Variants in PTPRR observed in about 807,000 individuals in gnomAD.
PTPRR encodes receptor-type tyrosine-protein phosphatase R.
A neutral mutation model predicts 77.2 loss-of-function variants in PTPRR; 38 were observed. The ratio of observed to expected loss-of-function variants is 0.49; its 90% CI spans 0.38 to 0.65. The LOEUF (loss-of-function observed/expected upper bound fraction) is 0.65, where lower values mean the gene tolerates loss of function less well. Among genes scored for constraint, PTPRR ranks in the 30% least tolerant of loss-of-function variants. The pLI is 0.00. For synonymous variants in PTPRR, 299 were observed against 283.1 expected, an observed-to-expected ratio of 1.06 and a Z score of -0.57; for missense variants, 744 against 799.2, an observed-to-expected ratio of 0.93 and a Z score of 0.83.
rs1326802404 is a variant in PTPRR, at chr12:70,682,200, C to T, written c.1497+1927G>A. ...CTGGGACTACAGGCGCCCGCCACCA[C>T]GCCCGGCTAATTTTTTGTATTTTTA... On this transcript the variant is annotated intron_variant, in intron 10 of 13. Coordinates refer to ENST00000283228, the MANE Select transcript of PTPRR (RefSeq NM_002849.4). Among the ~76,000 whole-genome samples the T allele has an allele frequency of 6.6e-5, 10 of 151,200 alleles. No individual in the cohort carries two copies. The East Asian group carries it at 9.7e-4, about 15-fold the overall frequency.
At chr12:70,835,484 A>G (rs901259268) in intron 2 of PTPRR, among the ~76,000 whole-genome samples, 1 of 152,150 alleles carries the variant, frequency 6.6e-6, no homozygotes, top group African/African-American at 2.4e-5. Flanking sequence ...CTGAATACCT[A>G]TTAAGTACAT....
intron 6 of PTPRR, among the ~76,000 whole-genome samples, chr12:70,742,367 C>A (rs980282512): frequency 6.6e-6 from 1 of 152,018 alleles, no homozygotes; most frequent in Non-Finnish European, 1.5e-5. Flanking sequence ...CAGATTCATG[C>A]CCACTATATT....
intron 2 of PTPRR, among the ~76,000 whole-genome samples, chr12:70,792,863 G>T (rs1195413952): frequency 6.6e-6 from 1 of 152,130 alleles, no homozygotes; most frequent in Non-Finnish European, 1.5e-5. Context: ...AAGAGCCCCT[G>T]TCAGAGCAAC....
At chr12:70,895,881 G>A (rs1893419201) in intron 1 of PTPRR, among the ~76,000 whole-genome samples, 1 of 151,684 alleles carries the variant, frequency 6.6e-6, no homozygotes, top group Non-Finnish European at 1.5e-5. Flanking sequence ...GAGAAGCCAA[G>A]TTATCTATTA....
chr12:70,655,996 G>C (rs552503628), intron 13 of PTPRR, among the ~76,000 whole-genome samples: 1 of 152,084 alleles, frequency 6.6e-6, no homozygotes, highest in South Asian at 2.1e-4. Flanking sequence ...AGGATCCCTC[G>C]AGCCCAGGCA....
At chr12:70,807,261 A>G (rs1246078588) in intron 2 of PTPRR, among the ~76,000 whole-genome samples, 2 of 152,224 alleles carry the variant, frequency 1.3e-5, no homozygotes, top group Non-Finnish European at 2.9e-5. Context: ...GCTCATGTGT[A>G]GACTTCTTAT....
chr12:70,659,459 C>G (rs987067602), intron 12 of PTPRR, among the ~76,000 whole-genome samples: 2 of 151,976 alleles, frequency 1.3e-5, no homozygotes, highest in African/African-American at 4.8e-5. Context: ...AAAGGAGGAC[C>G]AGAGATAACT....
intron 6 of PTPRR, among the ~76,000 whole-genome samples, chr12:70,730,956 A>G (rs570878517): frequency 7.4e-4 from 110 of 148,674 alleles, no homozygotes; most frequent in African/African-American, 2.6e-3. Flanking sequence ...AAGAGAGAGG[A>G]AAGAGAGAGG....
chr12:70,891,829 C>A (rs963673767), intron 2 of PTPRR, among the ~76,000 whole-genome samples: 1 of 151,988 alleles, frequency 6.6e-6, no homozygotes, highest in African/African-American at 2.4e-5. Flanking sequence ...AGAGGAGTTG[C>A]CAAAATGCAA....
Position 70,752,999 on chromosome 12 carries a change from C to A in PTPRR, c.738+1192G>T, listed in dbSNP as rs561462161. 9.3e-4 allele frequency among the ~76,000 whole-genome samples: 142 copies of A among 152,204 alleles called. 1 individual carries two copies. Among genetic ancestry groups the A allele is most frequent in the African/African-American group, 3.3e-3 (137 of 41,542 alleles). ...AGTTTTTACTCAATTCTAAATTATT[C>A]TTTTGTTTATTGAGTCACAATTCTT... On this transcript the variant is annotated intron_variant, in intron 5 of 13. Coordinates refer to ENST00000283228, the MANE Select transcript of PTPRR (RefSeq NM_002849.4).
chr12:70,822,375 G>A (rs1892030937), intron 2 of PTPRR, among the ~76,000 whole-genome samples: 1 of 152,124 alleles, frequency 6.6e-6, no homozygotes, highest in African/African-American at 2.4e-5. Context: ...CAAATAATTT[G>A]TGCTGCCAGA....
chr12:70,754,135 C>T (rs536598686), intron 5 of PTPRR, 56 bp downstream of exon 5: 1 of 1,523,564 alleles, frequency 6.6e-7, no homozygotes, highest in East Asian at 2.3e-5. Flanking sequence ...AATGTACCCA[C>T]TAATATCAAG....
At chr12:70,738,886 A>G (rs1889959499) in intron 6 of PTPRR, among the ~76,000 whole-genome samples, 1 of 152,224 alleles carries the variant, frequency 6.6e-6, no homozygotes, top group Non-Finnish European at 1.5e-5. Flanking sequence ...CAGGTGAATA[A>G]ACAGGTTCCA....
At chr12:70,740,757 T>C (rs998782904) in intron 6 of PTPRR, among the ~76,000 whole-genome samples, 10 of 152,204 alleles carry the variant, frequency 6.6e-5, no homozygotes, top group African/African-American at 9.6e-5. Context: ...AAGTGACTTA[T>C]AATGCAGTCT....
chr12:70,672,596 T>C (rs1887275822), intron 10 of PTPRR: 3 of 1,455,186 alleles, frequency 2.1e-6, no homozygotes, highest in Admixed American at 1.7e-5. Flanking sequence ...AAGGACAGTG[T>C]AGCAGATGCA....
intron 2 of PTPRR, among the ~76,000 whole-genome samples, chr12:70,846,167 T>C (rs1892479941): frequency 6.6e-6 from 1 of 152,134 alleles, no homozygotes; most frequent in African/African-American, 2.4e-5. Context: ...TGAAGGATAG[T>C]GTTATGGTTA....
rs560427580 is a variant in PTPRR, at chr12:70,868,172, A to C, written c.357+24507T>G. The stretch of plus-strand genomic sequence containing the variant: ...ACACAAAAAGCAATGGCAATAAAAG[A>C]CAAAATTGACAAATGGGATCTAATT... On this transcript the variant is annotated intron_variant, in intron 2 of 13. Transcript: ENST00000283228. 1.3e-3 allele frequency among the ~76,000 whole-genome samples: 194 copies of C among 152,216 alleles called. 3 individuals carry two copies. In the South Asian group the frequency reaches 0.023, roughly 18 times the overall value.
At chr12:70,899,615 T>C (rs1893496744) in intron 1 of PTPRR, among the ~76,000 whole-genome samples, 1 of 151,508 alleles carries the variant, frequency 6.6e-6, no homozygotes, top group African/African-American at 2.4e-5. Context: ...GTACACATTA[T>C]GCTTAATAGT....
Position 70,920,427 on chromosome 12 carries a change from A to G in PTPRR, c.-37T>C, listed in dbSNP as rs1351355378. On this transcript the variant is annotated 5_prime_UTR_variant, in exon 1 of 14. Transcript: ENST00000283228. ...TGAGAGGTGGAGGAGAAACTCCACC[A>G]CGACCCCACTTCAGGTAAAGTGCTA... The G allele has an allele frequency of 2.5e-6, 4 of 1,583,872 alleles. No individual in the cohort carries two copies. In the South Asian group the frequency reaches 3.3e-5, roughly 13 times the overall value.
Sources: allele counts gnomAD v4.1 joint callset (sites outside exome capture counted in the v4.1 genomes callset), GRCh38; gene constraint gnomAD v4.1.1; transcripts MANE v1.5; gene names NCBI Gene and HGNC (gene_info 2026-07-23, HGNC 2026-07-21).